Variants in CCDC14 observed in about 807,000 individuals in gnomAD.
CCDC14 encodes the protein coiled-coil domain-containing protein 14.
CCDC14 carries 71 observed loss-of-function variants against 81.4 expected under a neutral mutation model. The observed-to-expected ratio is 0.87, with a 90% confidence interval of 0.72 to 1.06. CCDC14 has a LOEUF of 1.06. CCDC14 is among the 50% of genes least tolerant of loss of function. The pLI, the probability that CCDC14 is intolerant of heterozygous loss-of-function variation, is 0.00. For missense variants in CCDC14, 1,046 were observed against 1,047.3 expected, an observed-to-expected ratio of 1.00 and a Z score of 0.02; for synonymous variants, 332 against 364.8, an observed-to-expected ratio of 0.91 and a Z score of 1.03.
intron 7 of CCDC14, 33 bp downstream of exon 7, chr3:123,948,658 T>G: frequency 6.7e-7 from 1 of 1,484,976 alleles, no homozygotes; most frequent in Non-Finnish European, 9.2e-7. Flanking sequence ...TATAAGCAAA[T>G]AGTTACTTAT....
chr3:123,894,521 T>C (rs987007906), downstream of CCDC14, among the ~76,000 whole-genome samples: 4 of 152,220 alleles, frequency 2.6e-5, no homozygotes, highest in African/African-American at 9.6e-5. Context: ...GGGATTGCAT[T>C]GAATCTGTAG....
At chr3:123,908,238 G>GGT (rs527617527) in intron 5 of CCDC14, among the ~76,000 whole-genome samples, 4 of 152,118 alleles carry the variant, frequency 2.6e-5, no homozygotes, top group Non-Finnish European at 5.9e-5. Context: ...TAGTTCCTTT[G>GGT]GTGTTGCGAT....
chr3:123,945,665 G>A (rs946051933), intron 8 of CCDC14, among the ~76,000 whole-genome samples: 2 of 152,030 alleles, frequency 1.3e-5, no homozygotes, highest in African/African-American at 4.8e-5. Context: ...TTTACTACGG[G>A]CTGAAAGTAC....
chr3:123,888,673 C>T, the CCDC14 span, among the ~76,000 whole-genome samples: 1 of 152,204 alleles, frequency 6.6e-6, no homozygotes, highest in Non-Finnish European at 1.5e-5. Flanking sequence ...GTGCTTTCTT[C>T]ATATAGTGGC....
intron 8 of CCDC14, among the ~76,000 whole-genome samples, chr3:123,945,815 A>C (rs2036596292): frequency 6.6e-6 from 1 of 152,180 alleles, no homozygotes; most frequent in Non-Finnish European, 1.5e-5. Context: ...TTCAATGATC[A>C]AGCAGTCTTC....
At chr3:123,952,100 A>G (rs1184736797) in intron 5 of CCDC14, among the ~76,000 whole-genome samples, 2 of 152,244 alleles carry the variant, frequency 1.3e-5, no homozygotes, top group Non-Finnish European at 2.9e-5. Context: ...CGCACTCTAC[A>G]TGAAAATTTT....
intron 12 of CCDC14, among the ~76,000 whole-genome samples, chr3:123,916,770 G>A (rs2034724078): frequency 2.0e-5 from 3 of 152,076 alleles, no homozygotes; most frequent in Admixed American, 6.5e-5. Context: ...TATTTAGCAC[G>A]GTTTCAGTCT....
chr3:123,901,059 C>T (rs1345594038), intron 5 of CCDC14, among the ~76,000 whole-genome samples: 1 of 151,902 alleles, frequency 6.6e-6, no homozygotes, highest in Non-Finnish European at 1.5e-5. Flanking sequence ...CGGTGAAGCC[C>T]TGTCTCTACT....
chr3:123,947,080 A>G lies in CCDC14; in HGVS notation c.924T>C (p.Ser308=). The change falls in exon 8 of 13, where the codon TCT becomes TCC. Residue 308 remains serine (S), a synonymous_variant. Transcript: ENST00000409697. ...DLLKCIQTYL[S]LFRSHGKETH... ...TTTCTTTTCCATGAGATCGAAAAAG[A>G]GACAAATATGTTTGAATACATTTTA... The G allele has an allele frequency of 2.5e-6, 4 of 1,614,002 alleles. No individual in the cohort carries two copies. Among genetic ancestry groups the G allele is most frequent in the Non-Finnish European group, 3.4e-6 (4 of 1,179,892 alleles).
downstream of CCDC14, among the ~76,000 whole-genome samples, chr3:123,912,485 T>C (rs748012107): frequency 2.0e-5 from 3 of 152,222 alleles, no homozygotes; most frequent in Non-Finnish European, 4.4e-5. Context: ...ACTGAAAACC[T>C]TGGAGTCATC....
chr3:123,925,122 T>C (rs1346595543), intron 12 of CCDC14, among the ~76,000 whole-genome samples: 1 of 143,398 alleles, frequency 7.0e-6, no homozygotes, highest in Non-Finnish European at 1.5e-5. Context: ...ATTGGAATAC[T>C]ACTCAGCCTT....
intron 5 of CCDC14, among the ~76,000 whole-genome samples, chr3:123,899,382 T>G (rs559187043): frequency 2.4e-4 from 37 of 152,328 alleles, no homozygotes; most frequent in African/African-American, 8.9e-4. Flanking sequence ...TCCCCAAATG[T>G]AAATCTCTAG....
chr3:123,948,366 C>T (rs747260255), intron 7 of CCDC14, among the ~76,000 whole-genome samples: 4 of 151,906 alleles, frequency 2.6e-5, no homozygotes, highest in African/African-American at 4.8e-5. Flanking sequence ...CTCAGCCTCC[C>T]GAGTAGCTGG....
At chr3:123,936,984 T>G (rs2141606) in intron 9 of CCDC14, among the ~76,000 whole-genome samples, 6 of 152,054 alleles carry the variant, frequency 3.9e-5, no homozygotes, top group Non-Finnish European at 1.5e-5. Flanking sequence ...TATACTCTTT[T>G]AGCCTGGCTT....
Position 123,931,117 on chromosome 3 carries a change from A to G in CCDC14, c.1763T>C (p.Leu588Pro). 1 of 1,586,120 alleles carries G rather than the reference A, an allele frequency of 6.3e-7. No individual in the cohort carries two copies. The highest frequency in any genetic ancestry group is 8.5e-7 in the Non-Finnish European group (1 of 1,173,128). ...TCAATTTTACCTGGTTAATTCTCTT[A>G]GTCGAGTCACCTCAGCATCACGCTG... is the stretch of plus-strand genomic sequence containing the variant. ...LRQRDAEVTR[L>P]RELTRTLQTS... The change falls in exon 12 of 13, where the codon CTA becomes CCA. Residue 588 changes from leucine to proline, a missense_variant. By Grantham distance (98) the Leu-to-Pro change is moderately conservative. Coordinates refer to ENST00000409697, the MANE Select transcript of CCDC14 (RefSeq NM_001366335.1).
chr3:123,896,847 A>G (rs987029498), downstream of CCDC14, among the ~76,000 whole-genome samples: 10 of 152,194 alleles, frequency 6.6e-5, no homozygotes, highest in African/African-American at 2.4e-4. Flanking sequence ...TTATGTATTA[A>G]CCAAAGGTTA....
intron 9 of CCDC14, among the ~76,000 whole-genome samples, chr3:123,940,141 A>G (rs993376665): frequency 9.2e-5 from 14 of 151,856 alleles, no homozygotes; most frequent in African/African-American, 3.4e-4. Flanking sequence ...AGACTTAGGG[A>G]AAAAAACCTA....
intron 12 of CCDC14, among the ~76,000 whole-genome samples, chr3:123,918,675 T>C (rs1046851566): frequency 6.6e-6 from 1 of 152,230 alleles, no homozygotes; most frequent in Non-Finnish European, 1.5e-5. Flanking sequence ...AATACTCAAC[T>C]TCCCTGGCAT....
In CCDC14 at chr3:123,948,690, C is replaced by A; in HGVS notation, c.684+1G>T. ...TTATGTAGTATAAGAACTGTACGCA[C>A]AGAATGAACCTTTGGAGGGCAGGGT... On this transcript the variant is annotated splice_donor_variant, in intron 7 of 12. Coordinates refer to ENST00000409697, the MANE Select transcript of CCDC14 (RefSeq NM_001366335.1). LOFTEE classifies it high-confidence loss of function. The A allele has an allele frequency of 6.3e-7, 1 of 1,595,094 alleles. No homozygotes were observed.
Sources: allele counts gnomAD v4.1 joint callset (sites outside exome capture counted in the v4.1 genomes callset), GRCh38; gene constraint gnomAD v4.1.1; transcripts MANE v1.5; gene names NCBI Gene and HGNC (gene_info 2026-07-23, HGNC 2026-07-21).